DCC: variants seen among roughly 807,000 people sequenced by gnomAD.
DCC encodes the protein DCC netrin 1 receptor.
In DCC, 58 loss-of-function variants were observed where a neutral mutation model predicts 172.5. The ratio of observed to expected loss-of-function variants is 0.34; its 90% CI spans 0.27 to 0.42. The LOEUF is 0.42. DCC is among the 10% of genes least tolerant of loss of function. The pLI is 1.00. For missense variants in DCC, 1,740 were observed against 1,791.0 expected, an observed-to-expected ratio of 0.97 and a Z score of 0.51; for synonymous variants, 709 against 644.5, an observed-to-expected ratio of 1.10 and a Z score of -1.52.
At position 52,583,529 on chromosome 18, in the gene DCC, C is replaced by A. The variant is rs1158857588; in HGVS notation, c.92-168525C>A. 2.6e-5 allele frequency among the ~76,000 whole-genome samples: 4 copies of A among 152,018 alleles called. 1 individual carries two copies. Among genetic ancestry groups the A allele is most frequent in the South Asian group, 4.2e-4 (2 of 4,812 alleles). ...TATTTATCTATATCTATTTTTATAT[C>A]CATCCTTTTCAAATGATAAATTGCA... On this transcript the variant is annotated intron_variant, in intron 1 of 28. Coordinates refer to ENST00000442544, the MANE Select transcript of DCC (RefSeq NM_005215.4).
intron 1 of DCC, among the ~76,000 whole-genome samples, chr18:52,710,757 A>G (rs1486366027): frequency 6.6e-6 from 1 of 152,260 alleles, no homozygotes; most frequent in African/African-American, 2.4e-5. Context: ...GAGATTTAAA[A>G]TTAGGATGGC....
intron 25 of DCC, among the ~76,000 whole-genome samples, chr18:53,469,925 C>G (rs981790700): frequency 1.1e-4 from 17 of 152,144 alleles, no homozygotes; most frequent in Non-Finnish European, 8.8e-5. Context: ...GTCTCATACT[C>G]TCAGAAACAG....
At chr18:52,878,648 A>C (rs189712742) in intron 2 of DCC, among the ~76,000 whole-genome samples, 1 of 152,066 alleles carries the variant, frequency 6.6e-6, no homozygotes, top group Non-Finnish European at 1.5e-5. Flanking sequence ...ATTTTCTCTC[A>C]CATGTTATTT....
At chr18:53,487,134 T>C (rs1487879026) in intron 26 of DCC, among the ~76,000 whole-genome samples, 176 bp downstream of exon 26, 2 of 152,194 alleles carry the variant, frequency 1.3e-5, no homozygotes, top group South Asian at 2.1e-4. Context: ...GCATTTGTAC[T>C]GATTCCCTAG....
intron 1 of DCC, among the ~76,000 whole-genome samples, chr18:52,659,589 C>T (rs2035317982): frequency 6.6e-6 from 1 of 152,144 alleles, no homozygotes; most frequent in South Asian, 2.1e-4. Context: ...CAGGCCAAAA[C>T]AAGAGCAACT....
At chr18:52,773,967 A>C (rs1199095070) in intron 2 of DCC, among the ~76,000 whole-genome samples, 1 of 152,200 alleles carries the variant, frequency 6.6e-6, no homozygotes, top group Admixed American at 6.5e-5. Flanking sequence ...TTTCCCCAAT[A>C]ATAATTTCCA....
chr18:53,214,017 C>A (rs895971765), intron 11 of DCC, among the ~76,000 whole-genome samples: 1 of 151,646 alleles, frequency 6.6e-6, no homozygotes, highest in Non-Finnish European at 1.5e-5. Context: ...CACCATGTGC[C>A]TTCAACTCTT....
chr18:53,201,449 A>G (rs1350303675), intron 9 of DCC, among the ~76,000 whole-genome samples: 1 of 152,194 alleles, frequency 6.6e-6, no homozygotes, highest in African/African-American at 2.4e-5. Flanking sequence ...TTAACAGGTC[A>G]TTCAGTCTCA....
At position 53,047,582 on chromosome 18, in the gene DCC, C is replaced by T. The variant is rs1225735468; in HGVS notation, c.986-15723C>T. Among the ~76,000 whole-genome samples, 4 of 148,836 alleles carry T rather than the reference C, an allele frequency of 2.7e-5. No homozygotes were observed. The East Asian group carries it at 8.2e-4, about 31-fold the overall frequency. Reference sequence around the variant, plus strand: ...CCTTCGTTGCCTTCAATTGTAAAATCATATTTGTTAATGGATTTCACTTTG... The same window carrying T: ...CCTTCGTTGCCTTCAATTGTAAAATTATATTTGTTAATGGATTTCACTTTG... On this transcript the variant is annotated intron_variant, in intron 5 of 28. Coordinates refer to ENST00000442544, the MANE Select transcript of DCC (RefSeq NM_005215.4).
At chr18:52,861,011 CAAAA>C in intron 2 of DCC, among the ~76,000 whole-genome samples, 2 of 120,950 alleles carry the variant, frequency 1.7e-5, no homozygotes, top group South Asian at 2.8e-4. Flanking sequence ...GAATCCATTT[CAAAA>C]AAAAAAAAAA....
At chr18:52,496,597 T>TG (rs1357016556) in intron 1 of DCC, among the ~76,000 whole-genome samples, 2 of 152,142 alleles carry the variant, frequency 1.3e-5, no homozygotes, top group East Asian at 3.9e-4. Context: ...CAGTAGCTCC[T>TG]GGGGTAGTAT....
intron 5 of DCC, among the ~76,000 whole-genome samples, chr18:52,949,336 AAG>A (rs1428851127): frequency 1.3e-5 from 2 of 152,206 alleles, no homozygotes; most frequent in African/African-American, 4.8e-5. Flanking sequence ...CTGCTGGTAA[AAG>A]AAAAGTGAAG....
intron 5 of DCC, among the ~76,000 whole-genome samples, chr18:52,977,103 T>C (rs2145596926): frequency 6.6e-6 from 1 of 152,208 alleles, no homozygotes; most frequent in South Asian, 2.1e-4. Flanking sequence ...ACACTTCTCG[T>C]GCAGAAAAAT....
chr18:53,088,864 T>C (rs576862396), intron 7 of DCC, among the ~76,000 whole-genome samples: 26 of 152,300 alleles, frequency 1.7e-4, no homozygotes, highest in Non-Finnish European at 2.4e-4. Flanking sequence ...ATAGTTCTCA[T>C]TGTGAATATT....
At chr18:53,191,020 C>T (rs906021304) in intron 9 of DCC, among the ~76,000 whole-genome samples, 1 of 152,150 alleles carries the variant, frequency 6.6e-6, no homozygotes. Context: ...TTATACTAAC[C>T]GTCATGCCAA....
chr18:52,979,286 A>G (rs1012959485), intron 5 of DCC, among the ~76,000 whole-genome samples: 11 of 152,164 alleles, frequency 7.2e-5, no homozygotes, highest in Non-Finnish European at 5.9e-5. Flanking sequence ...CAGTTTGACT[A>G]TCTCTTCCTG....
chr18:52,970,326 T>C (rs1598984118), intron 5 of DCC, among the ~76,000 whole-genome samples: 2 of 152,138 alleles, frequency 1.3e-5, no homozygotes, highest in East Asian at 3.9e-4. Context: ...GTAAAGATAG[T>C]TCAGAAGACT....
chr18:52,802,480 ATT>A (rs36091981), intron 2 of DCC, among the ~76,000 whole-genome samples: 33 of 145,792 alleles, frequency 2.3e-4, no homozygotes, highest in Admixed American at 2.8e-4. Context: ...ACTCCCAGCA[ATT>A]TTTTTTTTTT....
chr18:52,666,020 G>A (rs951464261), intron 1 of DCC, among the ~76,000 whole-genome samples: 4 of 152,120 alleles, frequency 2.6e-5, no homozygotes, highest in East Asian at 1.9e-4. Flanking sequence ...AAATTCGGCC[G>A]GGTGCCGTGA....
Sources: allele counts gnomAD v4.1 joint callset (sites outside exome capture counted in the v4.1 genomes callset), GRCh38; gene constraint gnomAD v4.1.1; transcripts MANE v1.5; gene names NCBI Gene and HGNC (gene_info 2026-07-23, HGNC 2026-07-21).